Variants in WHRN observed in about 807,000 individuals in gnomAD.
WHRN encodes the protein whirlin.
In WHRN, 41 loss-of-function variants were observed where a neutral mutation model predicts 68.3. The observed-to-expected ratio is 0.60, with a 90% CI of 0.47 to 0.78. The LOEUF (loss-of-function observed/expected upper bound fraction) is 0.78, where lower values mean the gene tolerates loss of function less well. Ranked by LOEUF, WHRN falls within the 30% of genes least tolerant of loss-of-function variation. The pLI, the probability that WHRN is intolerant of heterozygous loss-of-function variation, is 0.00. For synonymous variants in WHRN, 560 were observed against 561.3 expected, an observed-to-expected ratio of 1.00 and a Z score of 0.03; for missense variants, 1,243 against 1,244.7, an observed-to-expected ratio of 1.00 and a Z score of 0.02.
intron 3 of WHRN, among the ~76,000 whole-genome samples, chr9:114,447,831 T>C (rs1589155376): frequency 6.6e-6 from 1 of 152,134 alleles, no homozygotes; most frequent in Non-Finnish European, 1.5e-5. Flanking sequence ...TAAATTTATA[T>C]GCATTTTAAA....
Position 114,408,036 on chromosome 9 carries a change from A to C in WHRN, c.1627-18T>G. 6.3e-7 allele frequency: 1 copy of C among 1,577,248 alleles called. No individual in the cohort carries two copies. Among genetic ancestry groups the C allele is most frequent in the Non-Finnish European group, 8.6e-7 (1 of 1,157,608 alleles). ...AGAGTGTTCTAGAAATGGACGAGAA[A>C]GCAAAGTGAGCAAACAGAAGCTGAG... On this transcript the variant is annotated intron_variant, in intron 7 of 11. Coordinates refer to ENST00000362057, the MANE Select transcript of WHRN (RefSeq NM_015404.4).
chr9:114,430,473 G>T (rs1837317319), intron 3 of WHRN, among the ~76,000 whole-genome samples: 1 of 152,070 alleles, frequency 6.6e-6, no homozygotes, highest in Non-Finnish European at 1.5e-5. Flanking sequence ...GTCACCTCTG[G>T]GACCAGTGGC....
chr9:114,417,338 T>C lies in WHRN; in HGVS notation c.1626+5976A>G, dbSNP rs60007622. ...GTGTCTGGGGCATCTCGGTCATCGA[T>C]AGCCAGCCACCTGATGTCATCTTGC... On this transcript the variant is annotated intron_variant, in intron 7 of 11. Transcript: ENST00000362057. Among the ~76,000 whole-genome samples the C allele has an allele frequency of 7.2e-3, 1,096 of 152,346 alleles. 11 individuals are homozygous for C. Among genetic ancestry groups the C allele is most frequent in the African/African-American group, 0.025 (1,034 of 41,576 alleles).
intron 7 of WHRN, among the ~76,000 whole-genome samples, chr9:114,420,051 T>C (rs898448992): frequency 6.6e-6 from 1 of 152,108 alleles, no homozygotes; most frequent in Non-Finnish European, 1.5e-5. Context: ...ATCAGGTCTA[T>C]AAGCCACAGC....
intron 3 of WHRN, among the ~76,000 whole-genome samples, chr9:114,437,268 G>C (rs762050603): frequency 6.6e-6 from 1 of 152,124 alleles, no homozygotes; most frequent in African/African-American, 2.4e-5. Flanking sequence ...AAACAGATCA[G>C]AGGTCTAAAG....
chr9:114,434,753 G>A (rs1016082445), intron 3 of WHRN, among the ~76,000 whole-genome samples: 9 of 152,074 alleles, frequency 5.9e-5, no homozygotes, highest in South Asian at 2.1e-4. Flanking sequence ...CACCTTGCCC[G>A]ATACTTTCCT....
chr9:114,451,814 GT>G (rs1358764049), intron 3 of WHRN, among the ~76,000 whole-genome samples: 1 of 152,230 alleles, frequency 6.6e-6, no homozygotes, highest in Non-Finnish European at 1.5e-5. Flanking sequence ...ACCCACCTGG[GT>G]TTGAATCCCA....
At chr9:114,427,123 C>T (rs139269152) in intron 3 of WHRN, among the ~76,000 whole-genome samples, 3 of 152,196 alleles carry the variant, frequency 2.0e-5, no homozygotes, top group African/African-American at 7.2e-5. Context: ...CGGGCACAGT[C>T]GTGTGTGCCT....
In WHRN at chr9:114,426,134, G is replaced by A. The variant is rs957049329; in HGVS notation, c.1166+77C>T. ...CTGAGAGGAGAGCCAGGGCGGTGGAGGGATGGGAGGCAGCTATCACTGGCT... is the reference window on the plus strand; with the variant it reads ...CTGAGAGGAGAGCCAGGGCGGTGGAAGGATGGGAGGCAGCTATCACTGGCT... On this transcript the variant is annotated intron_variant, in intron 4 of 11. Transcript: ENST00000362057. 4 of 1,592,272 alleles carry A rather than the reference G, an allele frequency of 2.5e-6. No individual in the cohort carries two copies. The African/African-American group carries it at 4.0e-5, about 16-fold the overall frequency.
intron 3 of WHRN, among the ~76,000 whole-genome samples, chr9:114,444,942 T>C (rs1165972996): frequency 2.6e-5 from 4 of 152,118 alleles, no homozygotes; most frequent in Non-Finnish European, 4.4e-5. Context: ...TGAAAGGTTA[T>C]ACAACAAAAT....
At chr9:114,408,214 G>C (rs1163080678) in intron 7 of WHRN, among the ~76,000 whole-genome samples, 196 bp from the exon 8 acceptor site, 1 of 152,192 alleles carries the variant, frequency 6.6e-6, no homozygotes, top group Non-Finnish European at 1.5e-5. Context: ...TCACTTTGAA[G>C]TTAAGTTTTC....
At position 114,477,081 on chromosome 9, in the gene WHRN, C is replaced by T. The variant is rs139439948; in HGVS notation, c.837+1472G>A. Reference sequence around the variant, plus strand: ...GCCCACCCAGCCCTGGCAACCTTGACGCGGCCCGGGCTGCTGTGGTGCATA... The same window carrying T: ...GCCCACCCAGCCCTGGCAACCTTGATGCGGCCCGGGCTGCTGTGGTGCATA... On this transcript the variant is annotated intron_variant, in intron 2 of 11. Coordinates refer to ENST00000362057, the MANE Select transcript of WHRN (RefSeq NM_015404.4). Among the ~76,000 whole-genome samples, 36 of 152,232 alleles carry T rather than the reference C, an allele frequency of 2.4e-4. No individual in the cohort carries two copies. The East Asian group carries it at 6.0e-3, about 25-fold the overall frequency.
chr9:114,454,134 T>G (rs1398113608), intron 3 of WHRN, among the ~76,000 whole-genome samples: 1 of 152,126 alleles, frequency 6.6e-6, no homozygotes, highest in African/African-American at 2.4e-5. Flanking sequence ...TGATGAAGAG[T>G]ATCCACAGAA....
At chr9:114,404,561 G>A (rs1254087596) in intron 9 of WHRN, among the ~76,000 whole-genome samples, 1 of 152,132 alleles carries the variant, frequency 6.6e-6, no homozygotes, top group Non-Finnish European at 1.5e-5. Flanking sequence ...TGCCTGAGCC[G>A]AGTGGTGGGC....
rs79611133 is a variant in WHRN at position 114,487,052 on chromosome 9, CAAA to C, written c.619-8284_619-8282del. Reference sequence around the variant, plus strand: ...CACCTGGAACCTAGGTAAGAGATACCAAAAAAAAAAAAGAGAGCGAGAGTGAAA... The same window carrying C: ...CACCTGGAACCTAGGTAAGAGATACCAAAAAAAAAGAGAGCGAGAGTGAAA... On this transcript the variant is annotated intron_variant, in intron 1 of 11. Transcript: ENST00000362057. Among the ~76,000 whole-genome samples, 20 of 117,626 alleles carry C rather than the reference CAAA, an allele frequency of 1.7e-4. 1 individual carries two copies. Among genetic ancestry groups the C allele is most frequent in the African/African-American group, 2.6e-4 (7 of 26,778 alleles). 77.2% of individuals were successfully genotyped at this position (117,626 alleles called of 152,430 possible).
chr9:114,466,152 C>T, intron 3 of WHRN, 115 bp downstream of exon 3: 1 of 1,539,510 alleles, frequency 6.5e-7, no homozygotes, highest in Non-Finnish European at 8.9e-7. Context: ...GGAGGGCTCC[C>T]CAGCTGGGAC....
chr9:114,425,930 C>T (rs1408830237), intron 4 of WHRN: 1 of 488,240 alleles, frequency 2.0e-6, no homozygotes, highest in Non-Finnish European at 3.8e-6. Context: ...ATGGTCCCCA[C>T]TTTTTGGATG....
intron 3 of WHRN, among the ~76,000 whole-genome samples, chr9:114,455,461 C>T (rs1426738389): frequency 2.0e-5 from 3 of 152,158 alleles, no homozygotes; most frequent in African/African-American, 7.2e-5. Context: ...TGGCTCATGC[C>T]TGTAATCCCA....
intron 3 of WHRN, among the ~76,000 whole-genome samples, chr9:114,459,182 G>T (rs773248280): frequency 2.6e-5 from 4 of 152,182 alleles, no homozygotes; most frequent in Admixed American, 6.5e-5. Flanking sequence ...TTTCAGCCAG[G>T]CATGGTGGCT....
Sources: gnomAD v4.1 joint callset for allele counts (sites outside exome capture counted in the v4.1 genomes callset) on GRCh38, gnomAD v4.1.1 for gene constraint, MANE v1.5 for transcripts, NCBI Gene and HGNC (gene_info 2026-07-23, HGNC 2026-07-21) for gene names.